The following EIF3K variants were observed in gnomAD, a reference collection of about 807,000 sequenced individuals.
EIF3K encodes eIF-3 p28.
EIF3K carries 27 observed loss-of-function variants against 34.2 expected under a neutral mutation model. The ratio of observed to expected loss-of-function variants is 0.79; its 90% CI spans 0.58 to 1.09. The LOEUF (loss-of-function observed/expected upper bound fraction) is 1.09, where lower values mean the gene tolerates loss of function less well. Ranked by LOEUF, EIF3K falls within the 50% of genes least tolerant of loss-of-function variation. EIF3K has a pLI of 0.00. For missense variants in EIF3K, 232 were observed against 275.4 expected, an observed-to-expected ratio of 0.84 and a Z score of 1.11; for synonymous variants, 105 against 105.7, an observed-to-expected ratio of 0.99 and a Z score of 0.04.
In EIF3K at chr19:38,624,193, CA is replaced by C; in HGVS notation, c.276del (p.His93IlefsTer39). 1 of 1,614,110 alleles carries C rather than the reference CA, an allele frequency of 6.2e-7. No homozygotes were observed. The highest frequency in any genetic ancestry group is 8.5e-7 in the Non-Finnish European group (1 of 1,180,000). The part of the protein sequence containing the change: ...FTLCKCMIDQ[A>X]HQEERPIRQI... Reference sequence around the variant, plus strand: ...CTGTGCAAGTGCATGATCGACCAGGCACATGTATCCTTCCAGCACTGGGGCC... The same window carrying C: ...CTGTGCAAGTGCATGATCGACCAGGCCATGTATCCTTCCAGCACTGGGGCC... On this transcript the variant is annotated frameshift_variant, in exon 3 of 8. Transcript: ENST00000248342. LOFTEE classifies it high-confidence loss of function.
At chr19:38,625,103 A>G (rs1975921161) in intron 3 of EIF3K, among the ~76,000 whole-genome samples, 1 of 152,126 alleles carries the variant, frequency 6.6e-6, no homozygotes, top group Non-Finnish European at 1.5e-5. Context: ...CAGGAATGGT[A>G]GAGGAAGCCT....
At chr19:38,627,590 G>GT (rs1475962528) in intron 4 of EIF3K, among the ~76,000 whole-genome samples, 2 of 151,838 alleles carry the variant, frequency 1.3e-5, no homozygotes, top group African/African-American at 2.4e-5. Flanking sequence ...CTTGAACCCA[G>GT]TGGGTTCAAC....
intron 4 of EIF3K, among the ~76,000 whole-genome samples, chr19:38,627,241 C>T (rs1337747653): frequency 6.6e-6 from 1 of 152,038 alleles, no homozygotes; most frequent in Non-Finnish European, 1.5e-5. Context: ...CTGCCTCAGC[C>T]TCCCAAAGTG....
intron 6 of EIF3K, 94 bp downstream of exon 6, chr19:38,632,772 C>T (rs1976098826): frequency 1.7e-6 from 2 of 1,182,424 alleles, no homozygotes; most frequent in Non-Finnish European, 2.4e-6. Context: ...CTGTCTGGGT[C>T]TCATCAGGTC....
intron 3 of EIF3K, among the ~76,000 whole-genome samples, chr19:38,625,456 G>A (rs996588665): frequency 1.1e-4 from 16 of 144,436 alleles, no homozygotes; most frequent in South Asian, 6.8e-4. Context: ...GTGAGCCACC[G>A]TGCCCAGCCT....
At chr19:38,620,620 G>A (rs1383761671) in intron 2 of EIF3K, among the ~76,000 whole-genome samples, 185 bp downstream of exon 2, 3 of 152,168 alleles carry the variant, frequency 2.0e-5, no homozygotes, top group Non-Finnish European at 1.5e-5. Flanking sequence ...ATTGCCGGGC[G>A]CGGTGACTCA....
In EIF3K at chr19:38,620,427, C is replaced by G; in HGVS notation, c.150C>G (p.Val50=). The part of the protein sequence containing the change: ...NAYDLEANLA[V]LKLYQFNPAF... ...ATGATCTGGAAGCCAACCTGGCTGT[C>G]CTGAAGCTGTAAGTGTCTAGCTCTC... Residue 50 remains valine (V), a synonymous_variant, in exon 2 of 8, where the codon GTC becomes GTG. Transcript: ENST00000248342. 6.2e-7 allele frequency: 1 copy of G among 1,613,664 alleles called. No individual in the cohort carries two copies. Among genetic ancestry groups the G allele is most frequent in the Non-Finnish European group, 8.5e-7 (1 of 1,179,844 alleles).
At chr19:38,636,525 T>G (rs1201207030) in intron 7 of EIF3K, among the ~76,000 whole-genome samples, 1 of 152,124 alleles carries the variant, frequency 6.6e-6, no homozygotes, top group African/African-American at 2.4e-5. Flanking sequence ...ACCTAGTAAA[T>G]ATTATCATGT....
intron 4 of EIF3K, 96 bp downstream of exon 4, chr19:38,626,198 T>C (rs1371752496): frequency 8.4e-7 from 1 of 1,186,736 alleles, no homozygotes; most frequent in African/African-American, 1.5e-5. Context: ...GGCTTCCTGC[T>C]TTGGCGGTGG....
intron 4 of EIF3K, among the ~76,000 whole-genome samples, chr19:38,630,167 T>C (rs1976030292): frequency 6.6e-6 from 1 of 151,766 alleles, no homozygotes. Context: ...TTTTTTTTTT[T>C]TTCTGAAATG....
At chr19:38,620,465 C>T in intron 2 of EIF3K, 30 bp downstream of exon 2, 1 of 1,596,096 alleles carries the variant, frequency 6.3e-7, no homozygotes. Context: ...TCTACACTCC[C>T]ATTGCAGCAA....
intron 4 of EIF3K, among the ~76,000 whole-genome samples, chr19:38,626,919 G>C (rs1025487633): frequency 6.6e-6 from 1 of 152,136 alleles, no homozygotes. Context: ...TGATTCTCCT[G>C]TCTCCCGAGT....
At chr19:38,629,747 C>T (rs565387244) in intron 4 of EIF3K, among the ~76,000 whole-genome samples, 53 of 152,292 alleles carry the variant, frequency 3.5e-4, no homozygotes, top group Middle Eastern at 3.4e-3. Flanking sequence ...GAGGAGAATT[C>T]CATACACAGG....
intron 4 of EIF3K, among the ~76,000 whole-genome samples, chr19:38,630,335 A>ATTTT (rs1568655639): frequency 7.0e-6 from 1 of 142,606 alleles, no homozygotes; most frequent in African/African-American, 2.5e-5. Context: ...TTAATTATTT[A>ATTTT]TTTATTTATT....
chr19:38,620,676 C>T (rs1383356401), intron 2 of EIF3K, among the ~76,000 whole-genome samples: 1 of 150,780 alleles, frequency 6.6e-6, no homozygotes, highest in Admixed American at 6.6e-5. Context: ...GGCGGATCAC[C>T]TGAGGTAGGG....
At chr19:38,629,267 G>GTTTGT (rs3033331) in intron 4 of EIF3K, among the ~76,000 whole-genome samples, 14,865 of 148,888 alleles carry the variant, frequency 0.1, 1,235 homozygotes, top group East Asian at 0.45. Flanking sequence ...TTTTTTGTTT[G>GTTTGT]TTTGTTTTGT....
At chr19:38,621,648 G>A (rs772876177) in intron 2 of EIF3K, among the ~76,000 whole-genome samples, 80 of 152,124 alleles carry the variant, frequency 5.3e-4, no homozygotes, top group African/African-American at 6.0e-4. Context: ...CATACATCTG[G>A]CTCAGCTCAG....
intron 7 of EIF3K, among the ~76,000 whole-genome samples, chr19:38,636,422 G>A (rs1454620622): frequency 6.6e-6 from 1 of 152,136 alleles, no homozygotes; most frequent in Non-Finnish European, 1.5e-5. Context: ...GGTGGAGGTT[G>A]CAGTGAGCCA....
chr19:38,627,052 T>G (rs1975964927), intron 4 of EIF3K, among the ~76,000 whole-genome samples: 1 of 152,148 alleles, frequency 6.6e-6, no homozygotes, highest in Non-Finnish European at 1.5e-5. Flanking sequence ...AGTGGCGCGA[T>G]CTTGGCTTAC....
Sources: allele counts gnomAD v4.1 joint callset (sites outside exome capture counted in the v4.1 genomes callset), GRCh38; gene constraint gnomAD v4.1.1; transcripts MANE v1.5; gene names NCBI Gene and HGNC (gene_info 2026-07-23, HGNC 2026-07-21).